Variants in PCDHGB2 observed in about 807,000 individuals in gnomAD.
PCDHGB2 encodes protocadherin gamma-B2.
A neutral mutation model predicts 59.3 loss-of-function variants in PCDHGB2; 55 were observed. The ratio of observed to expected loss-of-function variants is 0.93; its 90% CI spans 0.75 to 1.16. PCDHGB2 has a LOEUF of 1.16. PCDHGB2 is among the 50% of genes most tolerant of loss of function. PCDHGB2 has a pLI of 0.00. For missense variants in PCDHGB2, 1,228 were observed against 1,198.5 expected, an observed-to-expected ratio of 1.02 and a Z score of -0.36; for synonymous variants, 516 against 512.0, an observed-to-expected ratio of 1.01 and a Z score of -0.11.
At chr5:141,422,333 T>C in intron 1 of PCDHGB2, 1 of 1,549,594 alleles carries the variant, frequency 6.5e-7, no homozygotes, top group Non-Finnish European at 8.7e-7. Flanking sequence ...GTGATTGCTC[T>C]TCTAAATGTG....
intron 1 of PCDHGB2, chr5:141,374,617 C>A (rs981307720): frequency 3.7e-6 from 6 of 1,613,400 alleles, no homozygotes; most frequent in African/African-American, 1.3e-5. Flanking sequence ...ATAGTCACTT[C>A]TCAGTGGACG....
intron 1 of PCDHGB2, chr5:141,372,029 C>A (rs576761049): frequency 2.7e-5 from 43 of 1,613,324 alleles, no homozygotes; most frequent in Non-Finnish European, 3.2e-5. Context: ...TCAGCGCCAA[C>A]GTGAGCCTGC....
chr5:141,410,788 C>A, intron 1 of PCDHGB2: 2 of 712,228 alleles, frequency 2.8e-6, no homozygotes, highest in Non-Finnish European at 4.0e-6. Context: ...GTATTTGGTT[C>A]ATAAGTTGCT....
Position 141,490,142 on chromosome 5 carries a change from C to A in PCDHGB2, c.2422-4665C>A. On this transcript the variant is annotated intron_variant, in intron 1 of 3. Coordinates refer to ENST00000522605, the MANE Select transcript of PCDHGB2 (RefSeq NM_018923.3). This position sits in a 1 kb window ranked among gnomAD's most constrained non-coding sequence, Gnocchi z 5.4. The stretch of plus-strand genomic sequence containing the variant: ...TTTGGCCTAGACCCTAGCAGTGGGG[C>A]AATCCATGTGTTGGGTCCCATAGAC... The A allele has an allele frequency of 1.9e-6, 3 of 1,614,220 alleles. No individual in the cohort carries two copies. The highest frequency in any genetic ancestry group is 2.7e-5 in the African/African-American group (2 of 75,060).
At chr5:141,420,672 G>T (rs1478670282) in intron 1 of PCDHGB2, among the ~76,000 whole-genome samples, 1 of 152,296 alleles carries the variant, frequency 6.6e-6, no homozygotes, top group African/African-American at 2.4e-5. Flanking sequence ...CCTACCTGAT[G>T]ATTTTATCGG....
intron 1 of PCDHGB2, chr5:141,426,750 G>A (rs1287163824): frequency 2.2e-6 from 1 of 456,160 alleles, no homozygotes; most frequent in Non-Finnish European, 4.4e-6. Context: ...CCTGGAATCT[G>A]CTATAGATGC....
In PCDHGB2 at chr5:141,477,005, T is replaced by C; in HGVS notation, c.2422-17802T>C. The C allele has an allele frequency of 1.2e-6, 2 of 1,614,240 alleles. No individual in the cohort carries two copies. Among genetic ancestry groups the C allele is most frequent in the Non-Finnish European group, 1.7e-6 (2 of 1,180,040 alleles). Reference sequence around the variant, plus strand: ...CGCCGGCGTGCGGCAACTATTCGCCTTAGACCTTGTAACCGGGATGCTGAC... The same window carrying C: ...CGCCGGCGTGCGGCAACTATTCGCCCTAGACCTTGTAACCGGGATGCTGAC... On this transcript the variant is annotated intron_variant, in intron 1 of 3. Transcript: ENST00000522605. The surrounding 1 kb of genome is among the most constrained non-coding windows in gnomAD (Gnocchi z 4.9).
rs549557253 is a variant in PCDHGB2 at position 141,503,310 on chromosome 5, T to C, written c.2481-2083T>C. 2.6e-5 allele frequency among the ~76,000 whole-genome samples: 4 copies of C among 152,176 alleles called. No homozygotes were observed. The East Asian group carries it at 7.7e-4, about 29-fold the overall frequency. On this transcript the variant is annotated intron_variant, in intron 2 of 3. Coordinates refer to ENST00000522605, the MANE Select transcript of PCDHGB2 (RefSeq NM_018923.3). ...TACATAGAAATTGCTCAAGAAAGAA[T>C]TGTTGGAGGGGCGCGGTGGCTCACG...
chr5:141,458,597 T>C (rs940896214), intron 1 of PCDHGB2, among the ~76,000 whole-genome samples: 18 of 151,988 alleles, frequency 1.2e-4, no homozygotes, highest in Non-Finnish European at 2.4e-4. Context: ...TGGAGACGAG[T>C]CTCACTCTGT....
In PCDHGB2 at chr5:141,422,843, G is replaced by C. The variant is rs778670588; in HGVS notation, c.2421+60287G>C. 1.9e-6 allele frequency: 3 copies of C among 1,614,234 alleles called. No homozygotes were observed. In the East Asian group the frequency reaches 6.7e-5, roughly 36 times the overall value. ...CTGAGAGTGATAGCACGTGACAGCG[G>C]GGACCCGCCCCTCAGCAGCAACGTG... is the stretch of plus-strand genomic sequence containing the variant. On this transcript the variant is annotated intron_variant, in intron 1 of 3. Coordinates refer to ENST00000522605, the MANE Select transcript of PCDHGB2 (RefSeq NM_018923.3).
chr5:141,419,395 G>T (rs374575981), intron 1 of PCDHGB2: 50 of 1,613,478 alleles, frequency 3.1e-5, no homozygotes, highest in Non-Finnish European at 4.0e-5. Flanking sequence ...CGCAGAGCGG[G>T]GTGGTGTTCG....
rs763676784 is a variant in PCDHGB2 at position 141,374,276 on chromosome 5, C to A, written c.2421+11720C>A. The A allele has an allele frequency of 4.3e-6, 7 of 1,613,974 alleles. No individual in the cohort carries two copies. In the Admixed American group the frequency reaches 8.3e-5, roughly 19 times the overall value. On this transcript the variant is annotated intron_variant, in intron 1 of 3. Transcript: ENST00000522605. ...CCAGGAGTTGGCGGAGCACGGAGTC[C>A]GCATCGTCTCCAGAGGTAGGATGCA...
chr5:141,492,948 CA>C (rs2099745260), intron 1 of PCDHGB2, among the ~76,000 whole-genome samples: 1 of 152,188 alleles, frequency 6.6e-6, no homozygotes, highest in Non-Finnish European at 1.5e-5. Flanking sequence ...TGGAGGTGAC[CA>C]AACTATCTGA....
At chr5:141,383,416 A>G in intron 1 of PCDHGB2, 1 of 1,613,856 alleles carries the variant, frequency 6.2e-7, no homozygotes, top group Non-Finnish European at 8.5e-7. Flanking sequence ...TTACCAGCTC[A>G]GCCCCAATCG....
In PCDHGB2 at chr5:141,454,796, A is replaced by ATTTTTTTTTTTTTTTTTTT. The variant is rs61612330; in HGVS notation, c.2422-40000_2422-39982dup. Among the ~76,000 whole-genome samples the ATTTTTTTTTTTTTTTTTTT allele has an allele frequency of 2.8e-4, 22 of 77,458 alleles. 2 individuals are homozygous for ATTTTTTTTTTTTTTTTTTT. Among genetic ancestry groups the ATTTTTTTTTTTTTTTTTTT allele is most frequent in the East Asian group, 4.0e-4 (1 of 2,512 alleles). The allele number at this position is 77,458 out of a possible 152,430, so 50.8% of individuals were successfully genotyped here. The stretch of plus-strand genomic sequence containing the variant: ...AAGGAAATAATCCTCCATGGTTCTA[A>ATTTTTTTTTTTTTTTTTTT]TTTTTTTTTTTTTTTTTTTTTTTTT... On this transcript the variant is annotated intron_variant, in intron 1 of 3. Coordinates refer to ENST00000522605, the MANE Select transcript of PCDHGB2 (RefSeq NM_018923.3).
At chr5:141,394,260 G>A (rs779006100) in intron 1 of PCDHGB2, 2 of 1,613,802 alleles carry the variant, frequency 1.2e-6, no homozygotes, top group African/African-American at 2.7e-5. Flanking sequence ...CGACAGCCAG[G>A]AGAATGCCCA....
chr5:141,409,360 A>G (rs746614262), intron 1 of PCDHGB2: 2 of 1,614,014 alleles, frequency 1.2e-6, no homozygotes, highest in Admixed American at 3.3e-5. Flanking sequence ...GGTGTAATAT[A>G]GAAACAGACA....
chr5:141,485,687 C>T lies in PCDHGB2; in HGVS notation c.2422-9120C>T. 1 of 1,614,066 alleles carries T rather than the reference C, an allele frequency of 6.2e-7. No individual in the cohort carries two copies. Among genetic ancestry groups the T allele is most frequent in the Non-Finnish European group, 8.5e-7 (1 of 1,179,966 alleles). ...GAGCAATTCGATTAGCAGCTATAGG[C>T]TGAGCTCCAATGAACACTTTGCACT... On this transcript the variant is annotated intron_variant, in intron 1 of 3. Transcript: ENST00000522605. The surrounding 1 kb of genome is among the most constrained non-coding windows in gnomAD (Gnocchi z 5.7).
intron 1 of PCDHGB2, among the ~76,000 whole-genome samples, chr5:141,449,339 G>T (rs1307731679): frequency 6.6e-6 from 1 of 151,930 alleles, no homozygotes; most frequent in Non-Finnish European, 1.5e-5. Context: ...AGGTGCAGTG[G>T]CTCACTCCTG....
Sources: allele counts gnomAD v4.1 joint callset (sites outside exome capture counted in the v4.1 genomes callset), GRCh38; gene constraint gnomAD v4.1.1; non-coding constraint Gnocchi (gnomAD v3.1); transcripts MANE v1.5; gene names NCBI Gene and HGNC (gene_info 2026-07-23, HGNC 2026-07-21).